Variants in PLEKHA2 observed in about 807,000 individuals in gnomAD.
PLEKHA2 encodes the protein pleckstrin homology domain-containing family A member 2.
A neutral mutation model predicts 53.2 loss-of-function variants in PLEKHA2; 28 were observed. The ratio of observed to expected loss-of-function variants is 0.53; its 90% CI spans 0.39 to 0.72. PLEKHA2 has a LOEUF of 0.72. Ranked by LOEUF, PLEKHA2 falls within the 30% of genes least tolerant of loss-of-function variation. The pLI, the probability that PLEKHA2 is intolerant of heterozygous loss-of-function variation, is 0.00. For missense variants in PLEKHA2, 426 were observed against 537.9 expected, an observed-to-expected ratio of 0.79 and a Z score of 2.06; for synonymous variants, 193 against 196.4, an observed-to-expected ratio of 0.98 and a Z score of 0.14.
intron 2 of PLEKHA2, among the ~76,000 whole-genome samples, chr8:38,933,149 G>C (rs888481767): frequency 6.6e-6 from 1 of 152,192 alleles, no homozygotes; most frequent in Admixed American, 6.5e-5. Context: ...AGCTCCGGAG[G>C]CTGCTGGGCT....
intron 3 of PLEKHA2, among the ~76,000 whole-genome samples, chr8:38,942,223 G>A (rs768523374): frequency 2.6e-5 from 4 of 151,940 alleles, no homozygotes; most frequent in African/African-American, 7.3e-5. Context: ...ACAACATAGC[G>A]AGACCCCATC....
chr8:38,935,718 C>T (rs1834482907), intron 2 of PLEKHA2, among the ~76,000 whole-genome samples: 1 of 152,200 alleles, frequency 6.6e-6, no homozygotes, highest in South Asian at 2.1e-4. Flanking sequence ...TATGCCCAGC[C>T]TGAGCACACA....
rs540955679 is a variant in PLEKHA2, at chr8:38,907,818, T to G, written c.-24+6373T>G. 2.6e-4 allele frequency among the ~76,000 whole-genome samples: 38 copies of G among 147,288 alleles called. No homozygotes were observed. In the South Asian group the frequency reaches 8.3e-3, roughly 32 times the overall value. Reference sequence around the variant, plus strand: ...TCACTCATCCAGCCAGCCACTTATTTTATGTATGTATGTATGTATGTATGT... The same window carrying G: ...TCACTCATCCAGCCAGCCACTTATTGTATGTATGTATGTATGTATGTATGT... On this transcript the variant is annotated intron_variant, in intron 1 of 11. Transcript: ENST00000617275.
Position 38,969,925 on chromosome 8 carries a change from G to A in PLEKHA2, c.*142G>A, listed in dbSNP as rs1835215143. 2.5e-6 allele frequency: 3 copies of A among 1,186,374 alleles called. No individual in the cohort carries two copies. The highest frequency in any genetic ancestry group is 3.5e-6 in the Non-Finnish European group (3 of 863,134). 73.5% of individuals were successfully genotyped at this position (1,186,374 alleles called of 1,614,324 possible). A position where few individuals can be genotyped will look rare whatever the true frequency, so the allele number is the denominator to read the frequency against. ...CTGTGGATGCTCTTTGGGAGGGAGG[G>A]GCCCATCCAGCTGGGCTGTGTGTGT... On this transcript the variant is annotated 3_prime_UTR_variant, in exon 12 of 12. Transcript: ENST00000617275.
intron 3 of PLEKHA2, among the ~76,000 whole-genome samples, chr8:38,936,904 CTGCAGGCCTCT>C (rs1834505473): frequency 6.6e-6 from 1 of 152,260 alleles, no homozygotes; most frequent in African/African-American, 2.4e-5. Context: ...CACACCCTCA[CTGCAGGCCTCT>C]TGGGAGCCTC....
rs35218067 is a variant in PLEKHA2 at position 38,913,370 on chromosome 8, GA to G, written c.-23-4521del. Among the ~76,000 whole-genome samples the G allele has an allele frequency of 1.0e-3, 140 of 134,368 alleles. 1 individual carries two copies. The highest frequency in any genetic ancestry group is 3.1e-3 in the African/African-American group (111 of 36,002). The allele number at this position is 134,368 out of a possible 152,430, so 88.2% of individuals were successfully genotyped here. On this transcript the variant is annotated intron_variant, in intron 1 of 11. Coordinates refer to ENST00000617275, the MANE Select transcript of PLEKHA2 (RefSeq NM_021623.2). ...CATAGCGAGACTCCATCTCAAAAAG[GA>G]AAAAAAAAAAAAAAAGAAAAAGGAA...
At position 38,917,907 on chromosome 8, in the gene PLEKHA2, G is replaced by C; in HGVS notation, c.-23G>C. On this transcript the variant is annotated splice_region_variant and 5_prime_UTR_variant, in exon 2 of 12. Coordinates refer to ENST00000617275, the MANE Select transcript of PLEKHA2 (RefSeq NM_021623.2). ...ATCAGCACCTCCCTCCTGCGCGCAG[G>C]GTGATGTGAGCAGAGCCCAGGAATG... is the stretch of plus-strand genomic sequence containing the variant. 1 of 1,612,604 alleles carries C rather than the reference G, an allele frequency of 6.2e-7. No individual in the cohort carries two copies. The highest frequency in any genetic ancestry group is 8.5e-7 in the Non-Finnish European group (1 of 1,178,950).
At chr8:38,920,197 C>T (rs1044354197) in intron 2 of PLEKHA2, among the ~76,000 whole-genome samples, 1 of 152,108 alleles carries the variant, frequency 6.6e-6, no homozygotes, top group African/African-American at 2.4e-5. Context: ...GTTGCCCAGG[C>T]TAGAGTGCAG....
At position 38,962,210 on chromosome 8, in the gene PLEKHA2, C is replaced by T. The variant is rs368077407; in HGVS notation, c.837+4824C>T. ...TGTTTGCGAGCAGCCTGGTCCAGGC[C>T]GGGTGCAGTGGCTCACACCTCTAAT... On this transcript the variant is annotated intron_variant, in intron 10 of 11. Transcript: ENST00000617275. Among the ~76,000 whole-genome samples, 51 of 152,214 alleles carry T rather than the reference C, an allele frequency of 3.4e-4. 1 individual carries two copies. The highest frequency in any genetic ancestry group is 1.2e-3 in the African/African-American group (50 of 41,540).
In PLEKHA2 at chr8:38,950,953, T is replaced by A; in HGVS notation, c.449T>A (p.Ile150Asn). The change falls in exon 6 of 12, where the codon ATC becomes AAC. Residue 150 changes from isoleucine (I) to asparagine (N), a missense_variant. Transcript: ENST00000617275. The stretch of plus-strand genomic sequence containing the variant: ...CCACAGGTGGCCTACAAGACGGAGA[T>A]CATTGGAGGGGTGGTGGTCCACACA... ...KKPQVAYKTE[I>N]IGGVVVHTPI... 6.2e-7 allele frequency: 1 copy of A among 1,613,750 alleles called. No individual in the cohort carries two copies. The highest frequency in any genetic ancestry group is 8.5e-7 in the Non-Finnish European group (1 of 1,179,824).
rs1053079588 is a variant in PLEKHA2 at position 38,907,295 on chromosome 8, G to C, written c.-24+5850G>C. On this transcript the variant is annotated intron_variant, in intron 1 of 11. Coordinates refer to ENST00000617275, the MANE Select transcript of PLEKHA2 (RefSeq NM_021623.2). Reference sequence around the variant, plus strand: ...TGTACTTCAGCCAATACCACTGAAGGCTTTATCTCTGTTATCACTTTCTCT... The same window carrying C: ...TGTACTTCAGCCAATACCACTGAAGCCTTTATCTCTGTTATCACTTTCTCT... 5.3e-5 allele frequency among the ~76,000 whole-genome samples: 8 copies of C among 152,048 alleles called. No individual in the cohort carries two copies. The East Asian group carries it at 1.3e-3, about 26-fold the overall frequency.
intron 1 of PLEKHA2, among the ~76,000 whole-genome samples, chr8:38,913,370 GAAAAAA>G (rs35218067): frequency 1.7e-4 from 23 of 134,400 alleles, no homozygotes; most frequent in African/African-American, 2.8e-4. Context: ...TCTCAAAAAG[GAAAAAA>G]AAAAAAAAAA....
rs1312708199 is a variant in PLEKHA2, at chr8:38,916,643, T to C, written c.-23-1264T>C. On this transcript the variant is annotated intron_variant, in intron 1 of 11. Coordinates refer to ENST00000617275, the MANE Select transcript of PLEKHA2 (RefSeq NM_021623.2). ...TGAATAGTACTCCATTGTGTATATA[T>C]GCCACATTTTCTTTATTCATTCATC... 3.3e-5 allele frequency among the ~76,000 whole-genome samples: 5 copies of C among 152,236 alleles called. No homozygotes were observed. In the East Asian group the frequency reaches 9.6e-4, roughly 29 times the overall value.
intron 1 of PLEKHA2, among the ~76,000 whole-genome samples, chr8:38,902,974 C>G (rs529830458): frequency 6.6e-6 from 1 of 152,338 alleles, no homozygotes; most frequent in African/African-American, 2.4e-5. Context: ...GACTTTTGCA[C>G]TATCAGAGGT....
chr8:38,939,085 G>A (rs1273138718), intron 3 of PLEKHA2, among the ~76,000 whole-genome samples: 10 of 151,832 alleles, frequency 6.6e-5, no homozygotes, highest in Non-Finnish European at 1.5e-4. Flanking sequence ...TGTATTTTTA[G>A]TAGAGACGGG....
At chr8:38,917,860 G>A in intron 1 of PLEKHA2, 47 bp from the exon 2 acceptor site, 37 of 1,578,964 alleles carry the variant, frequency 2.3e-5, no homozygotes, top group Non-Finnish European at 3.2e-5. Flanking sequence ...TCCTGAGGCA[G>A]AGCTGCTTCA....
At chr8:38,951,172 C>T (rs367666313) in intron 6 of PLEKHA2, among the ~76,000 whole-genome samples, 182 bp downstream of exon 6, 7 of 152,162 alleles carry the variant, frequency 4.6e-5, no homozygotes, top group African/African-American at 1.2e-4. Flanking sequence ...GTGTTAGTGA[C>T]GGCAGTGCGG....
intron 3 of PLEKHA2, among the ~76,000 whole-genome samples, chr8:38,938,166 C>T (rs1834532144): frequency 6.6e-6 from 1 of 152,344 alleles, no homozygotes; most frequent in Non-Finnish European, 1.5e-5. Flanking sequence ...GTTGTCAGGG[C>T]CTTGCTTTCA....
chr8:38,943,817 CA>C lies in PLEKHA2; in HGVS notation c.232del (p.Thr78LeufsTer24). The C allele has an allele frequency of 1.3e-6, 2 of 1,582,262 alleles. No homozygotes were observed. The highest frequency in any genetic ancestry group is 1.7e-6 in the Non-Finnish European group (2 of 1,163,702). ...KVSIATPKQKPKTPFCFVINA... is the reference protein window; with the variant it reads ...KVSIATPKQKXKTPFCFVINA... ...AGCATAGCTACCCCAAAACAGAAAC[CA>C]AAAACTCCATTTTGCTTTGGTAAGT... is the stretch of plus-strand genomic sequence containing the variant. On this transcript the variant is annotated frameshift_variant, in exon 4 of 12. Transcript: ENST00000617275. LOFTEE classifies it high-confidence loss of function.
Sources: allele counts gnomAD v4.1 joint callset (sites outside exome capture counted in the v4.1 genomes callset), GRCh38; gene constraint gnomAD v4.1.1; transcripts MANE v1.5; gene names NCBI Gene and HGNC (gene_info 2026-07-23, HGNC 2026-07-21).